The following TRIQK variants were observed in gnomAD, a reference collection of about 807,000 sequenced individuals.
The protein encoded by TRIQK is triple QxxK/R motif-containing protein.
TRIQK carries 10 observed loss-of-function variants against 10.8 expected under a neutral mutation model. The observed-to-expected ratio is 0.92, with a 90% CI of 0.57 to 1.57. The LOEUF (loss-of-function observed/expected upper bound fraction) is 1.57, where lower values mean the gene tolerates loss of function less well. Among genes scored for constraint, TRIQK ranks in the 40% most tolerant of loss-of-function variants. TRIQK has a pLI of 0.00. For synonymous variants in TRIQK, 33 were observed against 33.7 expected (o/e 0.98, Z 0.07); for missense variants, 107 against 97.7 (o/e 1.09, Z -0.40).
At chr8:92,887,844 T>C (rs1816565834) in intron 4 of TRIQK, among the ~76,000 whole-genome samples, 1 of 151,700 alleles carries the variant, frequency 6.6e-6, no homozygotes, top group African/African-American at 2.4e-5. Flanking sequence ...GATTTTTAGC[T>C]TCATAATTAC....
chr8:92,959,997 T>C (rs1393394146), intron 1 of TRIQK, among the ~76,000 whole-genome samples: 1 of 152,176 alleles, frequency 6.6e-6, no homozygotes, highest in Non-Finnish European at 1.5e-5. Context: ...TCTTTCTTGA[T>C]ATGGAAAACA....
chr8:92,928,151 G>A (rs547215873), intron 2 of TRIQK: 1 of 152,288 alleles, frequency 6.6e-6, no homozygotes, highest in East Asian at 1.9e-4. Context: ...GAATAATATG[G>A]GCATAAGTGT....
intron 2 of TRIQK, among the ~76,000 whole-genome samples, chr8:92,917,942 T>C (rs1809957325): frequency 6.6e-6 from 1 of 152,024 alleles, no homozygotes; most frequent in Non-Finnish European, 1.5e-5. Context: ...TGAGATCCAC[T>C]TTTTCAGCTC....
At chr8:92,931,640 T>A (rs1440747335) in intron 2 of TRIQK, among the ~76,000 whole-genome samples, 5 of 152,172 alleles carry the variant, frequency 3.3e-5, no homozygotes, top group African/African-American at 1.2e-4. Context: ...TGCTTATCAA[T>A]CATTTCCCCA....
intron 1 of TRIQK, among the ~76,000 whole-genome samples, chr8:92,976,815 G>A (rs893667030): frequency 1.3e-5 from 2 of 151,280 alleles, no homozygotes; most frequent in Non-Finnish European, 3.0e-5. Flanking sequence ...TTTTTTTGTG[G>A]CTTATAATAT....
At chr8:92,934,333 A>G (rs534648605) in intron 2 of TRIQK, among the ~76,000 whole-genome samples, 3 of 151,992 alleles carry the variant, frequency 2.0e-5, no homozygotes, top group Non-Finnish European at 4.4e-5. Flanking sequence ...CATATGTATC[A>G]GGCTAAGGGT....
chr8:93,007,790 C>T (rs1813289267), intron 1 of TRIQK, among the ~76,000 whole-genome samples: 5 of 152,164 alleles, frequency 3.3e-5, no homozygotes, highest in Admixed American at 3.3e-4. Flanking sequence ...GGATTGAAGG[C>T]TATCTTGCTA....
upstream of TRIQK, among the ~76,000 whole-genome samples, chr8:92,967,193 T>C (rs946932332): frequency 2.6e-5 from 4 of 152,052 alleles, no homozygotes; most frequent in African/African-American, 7.2e-5. Flanking sequence ...AGATTACTTA[T>C]GTGTGTGGCT....
intron 2 of TRIQK, among the ~76,000 whole-genome samples, chr8:92,929,933 T>TCGCATAAA (rs1183909864): frequency 3.3e-5 from 5 of 152,228 alleles, no homozygotes; most frequent in African/African-American, 1.2e-4. Flanking sequence ...AAGTAATTAA[T>TCGCATAAA]CGCATAAATT....
At chr8:92,973,800 C>T (rs1563670740) in intron 1 of TRIQK, 2 of 152,076 alleles carry the variant, frequency 1.3e-5, no homozygotes, top group Admixed American at 6.6e-5. Context: ...TTCTCGTCCC[C>T]TATAGTACTC....
chr8:92,967,807 G>A (rs1182227949), upstream of TRIQK, among the ~76,000 whole-genome samples: 2 of 132,852 alleles, frequency 1.5e-5, no homozygotes, highest in Non-Finnish European at 3.1e-5. Context: ...GGGCAACTGA[G>A]TGGGACTCCA....
At chr8:93,002,240 A>G (rs1470206295) in intron 1 of TRIQK, among the ~76,000 whole-genome samples, 1 of 152,174 alleles carries the variant, frequency 6.6e-6, no homozygotes, top group Admixed American at 6.5e-5. Context: ...GCTAAACCCC[A>G]TAAACTAAAT....
intron 3 of TRIQK, among the ~76,000 whole-genome samples, chr8:92,898,027 T>G (rs762613775): frequency 1.3e-5 from 2 of 152,070 alleles, no homozygotes; most frequent in Admixed American, 1.3e-4. Flanking sequence ...TTTAAAAAAT[T>G]CTATGGGCAT....
chr8:92,904,471 T>C (rs544718579), intron 3 of TRIQK, among the ~76,000 whole-genome samples: 2 of 152,288 alleles, frequency 1.3e-5, no homozygotes, highest in East Asian at 1.9e-4. Context: ...AATTATATCA[T>C]GGAAACCAAC....
chr8:92,892,777 C>A (rs1377312235), intron 3 of TRIQK, among the ~76,000 whole-genome samples: 1 of 151,826 alleles, frequency 6.6e-6, no homozygotes, highest in East Asian at 1.9e-4. Context: ...CTTTGTGTAT[C>A]ATCTAGTGAC....
intron 1 of TRIQK, among the ~76,000 whole-genome samples, chr8:92,982,736 C>A (rs1812998947): frequency 6.6e-6 from 1 of 151,964 alleles, no homozygotes; most frequent in Admixed American, 6.6e-5. Context: ...TATATGCAAC[C>A]ATCTTCTGCT....
chr8:92,900,645 C>T (rs1186812805), intron 3 of TRIQK, among the ~76,000 whole-genome samples: 1 of 152,024 alleles, frequency 6.6e-6, no homozygotes, highest in Admixed American at 6.6e-5. Context: ...TACTACAGTT[C>T]TGCAGTATAA....
chr8:92,923,352 C>T (rs1006974117), intron 2 of TRIQK, among the ~76,000 whole-genome samples: 1 of 151,164 alleles, frequency 6.6e-6, no homozygotes, highest in Non-Finnish European at 1.5e-5. Flanking sequence ...GTGATAGATG[C>T]GGAAAGGGAA....
intron 1 of TRIQK, among the ~76,000 whole-genome samples, chr8:92,988,449 T>G (rs1813060826): frequency 1.3e-5 from 2 of 152,198 alleles, no homozygotes; most frequent in African/African-American, 4.8e-5. Context: ...TTATGCCACT[T>G]TTTCTGACAT....
Sources: allele counts gnomAD v4.1 joint callset (sites outside exome capture counted in the v4.1 genomes callset), GRCh38; gene constraint gnomAD v4.1.1; transcripts MANE v1.5; gene names NCBI Gene and HGNC (gene_info 2026-07-23, HGNC 2026-07-21).